ASPRV1: variants seen among roughly 807,000 people sequenced by gnomAD.
ASPRV1 encodes aspartic peptidase retroviral like 1.
Under a neutral mutation model 11.0 loss-of-function variants are expected in ASPRV1, and 7 were observed. The observed-to-expected ratio is 0.64, with a 90% CI of 0.36 to 1.20. ASPRV1 has a LOEUF of 1.20. ASPRV1 is among the 50% of genes most tolerant of loss of function. The pLI, the probability that ASPRV1 is intolerant of heterozygous loss-of-function variation, is 0.02. For missense variants in ASPRV1, 299 were observed against 320.0 expected (o/e 0.93, Z 0.50); for synonymous variants, 136 against 138.4 (o/e 0.98, Z 0.12).
the ASPRV1 span, among the ~76,000 whole-genome samples, chr2:70,021,113 T>A: frequency 6.6e-6 from 1 of 152,296 alleles, no homozygotes; most frequent in East Asian, 1.9e-4. Context: ...TCCATTCTTA[T>A]GTATGTGGAA....
the ASPRV1 span, among the ~76,000 whole-genome samples, chr2:69,982,880 G>A: frequency 6.6e-6 from 1 of 152,172 alleles, no homozygotes; most frequent in Non-Finnish European, 1.5e-5. Flanking sequence ...TGGCAGATGG[G>A]CCCCTCCCCT....
the ASPRV1 span, among the ~76,000 whole-genome samples, chr2:70,074,392 G>A: frequency 3.3e-5 from 5 of 150,324 alleles, no homozygotes; most frequent in South Asian, 4.2e-4. Context: ...GGGTTCACGC[G>A]ATTCTCCTGC....
At chr2:69,970,057 CACT>C in the ASPRV1 span, among the ~76,000 whole-genome samples, 4 of 152,084 alleles carry the variant, frequency 2.6e-5, no homozygotes, top group Admixed American at 2.6e-4. Context: ...CTGGCAATGG[CACT>C]ACTATCTAGC....
chr2:70,066,731 G>A, the ASPRV1 span, among the ~76,000 whole-genome samples: 1 of 151,974 alleles, frequency 6.6e-6, no homozygotes, highest in African/African-American at 2.4e-5. Flanking sequence ...CCAAGTATCT[G>A]GGACCACAGA....
the ASPRV1 span, chr2:69,937,193 G>A: frequency 6.2e-7 from 1 of 1,610,028 alleles, no homozygotes; most frequent in Non-Finnish European, 8.5e-7. Context: ...CCCATTTAGA[G>A]ATCTCCCTGT....
At chr2:69,969,208 G>T in the ASPRV1 span, among the ~76,000 whole-genome samples, 2 of 152,182 alleles carry the variant, frequency 1.3e-5, no homozygotes, top group Admixed American at 1.3e-4. Flanking sequence ...ACGAGGGGTT[G>T]AATCTGCCTG....
At chr2:69,972,988 C>A in the ASPRV1 span, among the ~76,000 whole-genome samples, 1 of 152,212 alleles carries the variant, frequency 6.6e-6, no homozygotes, top group South Asian at 2.1e-4. Flanking sequence ...TTCTGGGAAT[C>A]TTTCCAGAGT....
chr2:69,970,014 G>A, the ASPRV1 span, among the ~76,000 whole-genome samples: 2 of 151,896 alleles, frequency 1.3e-5, no homozygotes, highest in Non-Finnish European at 2.9e-5. Context: ...TTACAGGCAT[G>A]AGCCACCACA....
the ASPRV1 span, among the ~76,000 whole-genome samples, chr2:69,988,215 C>G: frequency 1.8e-4 from 28 of 152,208 alleles, no homozygotes; most frequent in Admixed American, 1.6e-3. Context: ...TTTGCGCACC[C>G]ATGTTCACAG....
downstream of ASPRV1, among the ~76,000 whole-genome samples, chr2:69,958,790 C>T (rs958154439): frequency 9.9e-5 from 15 of 152,138 alleles, no homozygotes; most frequent in African/African-American, 3.6e-4. Flanking sequence ...ATCCGGAGAC[C>T]ACCCTTTCTC....
chr2:70,079,726 CACTGACTCTA>C, the ASPRV1 span, among the ~76,000 whole-genome samples: 1 of 152,170 alleles, frequency 6.6e-6, no homozygotes, highest in Non-Finnish European at 1.5e-5. Flanking sequence ...GAGAAATGAC[CACTGACTCTA>C]CATACATTTT....
At chr2:69,961,772 C>CCT (rs1404141838), upstream of ASPRV1, 2 of 1,416,100 alleles carry the variant, frequency 1.4e-6, no homozygotes, top group Admixed American at 2.3e-5. Flanking sequence ...GGTGCCTCAC[C>CCT]CTCTGCATCC....
the ASPRV1 span, among the ~76,000 whole-genome samples, chr2:70,021,149 T>C: frequency 1.3e-5 from 2 of 152,050 alleles, no homozygotes; most frequent in African/African-American, 4.8e-5. Flanking sequence ...TAGAATCACA[T>C]GGTGTTTTTC....
upstream of ASPRV1, among the ~76,000 whole-genome samples, chr2:69,966,401 G>A (rs1219171273): frequency 2.0e-5 from 3 of 152,172 alleles, no homozygotes; most frequent in Non-Finnish European, 4.4e-5. Flanking sequence ...CCTTGCCACG[G>A]AGGGCCAGGG....
the ASPRV1 span, among the ~76,000 whole-genome samples, chr2:70,001,182 A>C: frequency 9.2e-5 from 14 of 152,170 alleles, no homozygotes; most frequent in Middle Eastern, 3.4e-3. Flanking sequence ...AAAAAAATTA[A>C]AGTATTGAGA....
At chr2:70,085,051 A>G in the ASPRV1 span, among the ~76,000 whole-genome samples, 1 of 152,210 alleles carries the variant, frequency 6.6e-6, no homozygotes, top group Non-Finnish European at 1.5e-5. Flanking sequence ...ATTGAACTGA[A>G]GAGTCCACAG....
the ASPRV1 span, among the ~76,000 whole-genome samples, chr2:70,008,358 A>G: frequency 6.6e-6 from 1 of 152,212 alleles, no homozygotes; most frequent in African/African-American, 2.4e-5. Flanking sequence ...GATTATGGTA[A>G]GCTTCAATCC....
downstream of ASPRV1, among the ~76,000 whole-genome samples, chr2:69,959,828 T>A (rs552514353): frequency 6.6e-6 from 1 of 152,226 alleles, no homozygotes. Flanking sequence ...CTTTTGGGTA[T>A]AGAGGCAATT....
At chr2:69,985,770 T>C in the ASPRV1 span, among the ~76,000 whole-genome samples, 2 of 152,184 alleles carry the variant, frequency 1.3e-5, no homozygotes, top group African/African-American at 2.4e-5. Context: ...AATTACTACC[T>C]TGGGTCACAG....
Sources: allele counts gnomAD v4.1 joint callset (sites outside exome capture counted in the v4.1 genomes callset), GRCh38; gene constraint gnomAD v4.1.1; transcripts MANE v1.5; gene names NCBI Gene and HGNC (gene_info 2026-07-23, HGNC 2026-07-21).